Variants in PARP16 observed in about 807,000 individuals in gnomAD.
PARP16 encodes poly(ADP-ribose) polymerase family member 16.
Under a neutral mutation model 35.0 loss-of-function variants are expected in PARP16, and 31 were observed. The ratio of observed to expected loss-of-function variants is 0.88; its 90% CI spans 0.66 to 1.19. The LOEUF (loss-of-function observed/expected upper bound fraction) is 1.19, where lower values mean the gene tolerates loss of function less well. PARP16 is among the 50% of genes most tolerant of loss of function. The pLI, the probability that PARP16 is intolerant of heterozygous loss-of-function variation, is 0.00. For synonymous variants in PARP16, 162 were observed against 169.5 expected (o/e 0.96, Z 0.34); for missense variants, 424 against 411.2 (o/e 1.03, Z -0.27).
intron 1 of PARP16, among the ~76,000 whole-genome samples, chr15:65,284,608 G>A (rs925170654): frequency 6.6e-6 from 1 of 151,614 alleles, no homozygotes. Flanking sequence ...TTACAGGTGT[G>A]AGCCACCGCA....
chr15:65,241,586 T>C (rs916417132), intron 3 of PARP16, among the ~76,000 whole-genome samples: 4 of 152,248 alleles, frequency 2.6e-5, no homozygotes, highest in African/African-American at 9.6e-5. Flanking sequence ...TGTTTTAGTT[T>C]ACATTTCTTA....
In PARP16 at chr15:65,259,551, G is replaced by C; in HGVS notation, c.834-9C>G. 3 of 1,612,646 alleles carry C rather than the reference G, an allele frequency of 1.9e-6. No homozygotes were observed. The highest frequency in any genetic ancestry group is 2.5e-6 in the Non-Finnish European group (3 of 1,179,476). The stretch of plus-strand genomic sequence containing the variant: ...AGAGCTGGCTCGAAGCCCTGCTTAA[G>C]AGGGAAAAAAGAGTGGTGTTGGCAA... On this transcript the variant is annotated splice_polypyrimidine_tract_variant and intron_variant, in intron 5 of 5. Transcript: ENST00000649807.
At chr15:65,285,286 C>T (rs1041509468) in intron 1 of PARP16, among the ~76,000 whole-genome samples, 2 of 151,928 alleles carry the variant, frequency 1.3e-5, no homozygotes, top group Non-Finnish European at 2.9e-5. Flanking sequence ...TACAGGCATG[C>T]GCCACCACGC....
chr15:65,259,198 A>C lies in PARP16; in HGVS notation c.*209T>G, dbSNP rs1166802347. The C allele has an allele frequency of 9.9e-6, 6 of 604,268 alleles. No homozygotes were observed. The East Asian group carries it at 1.6e-4, about 16-fold the overall frequency. 37.4% of individuals were successfully genotyped at this position (604,268 alleles called of 1,614,324 possible). A position where few individuals can be genotyped will look rare whatever the true frequency, so the allele number is the denominator to read the frequency against. On this transcript the variant is annotated 3_prime_UTR_variant, in exon 6 of 6. Transcript: ENST00000649807. The stretch of plus-strand genomic sequence containing the variant: ...GATGGAAGGACTCCCCTAAAACCTA[A>C]GAGTGAGGGACTAGTAGTCCCCGTT...
Position 65,286,333 on chromosome 15 carries a change from G to T in PARP16, c.94C>A (p.Gln32Lys). Residue 32 changes from glutamine to lysine, a missense_variant, in exon 1 of 6, where the codon CAG (glutamine) becomes AAG (lysine). Transcript: ENST00000649807. Reference sequence around the variant, plus strand: ...AGCACCGAGTCGCGCTTGTAGCTCTGCAGGGCCGAGGCGAAGAGGCTGCAC... The same window carrying T: ...AGCACCGAGTCGCGCTTGTAGCTCTTCAGGGCCGAGGCGAAGAGGCTGCAC... ...LRCSLFASAL[Q>K]SYKRDSVLRP... 1 of 1,604,024 alleles carries T rather than the reference G, an allele frequency of 6.2e-7. No homozygotes were observed. The highest frequency in any genetic ancestry group is 8.5e-7 in the Non-Finnish European group (1 of 1,176,534).
At chr15:65,233,677 A>G (rs1439951731), downstream of PARP16, among the ~76,000 whole-genome samples, 1 of 151,944 alleles carries the variant, frequency 6.6e-6, no homozygotes, top group Non-Finnish European at 1.5e-5. Context: ...TGGAGGTTGC[A>G]GTGAGCCGGG....
chr15:65,257,011 GGCTGGACATA>G (rs1051634127), downstream of PARP16, among the ~76,000 whole-genome samples: 56 of 152,360 alleles, frequency 3.7e-4, no homozygotes, highest in African/African-American at 1.3e-3. Context: ...CTCTGGCACT[GGCTGGACATA>G]GCGGCTCATG....
intron 1 of PARP16, among the ~76,000 whole-genome samples, chr15:65,281,750 C>A (rs535567908): frequency 4.6e-5 from 7 of 151,618 alleles, no homozygotes; most frequent in Non-Finnish European, 7.4e-5. Context: ...AAACAAGACA[C>A]CTCAGGGATA....
intron 3 of PARP16, among the ~76,000 whole-genome samples, chr15:65,246,507 C>A (rs2089213041): frequency 1.3e-5 from 2 of 152,192 alleles, no homozygotes; most frequent in Non-Finnish European, 2.9e-5. Flanking sequence ...CTGGATGTGC[C>A]CATACTGGGG....
intron 3 of PARP16, 86 bp downstream of exon 3, chr15:65,266,476 C>T: frequency 1.7e-6 from 2 of 1,168,780 alleles, no homozygotes; most frequent in Non-Finnish European, 2.6e-6. Context: ...CACCTGCAAA[C>T]TCCTAGGGTT....
chr15:65,274,068 G>A (rs1184043075), intron 1 of PARP16, among the ~76,000 whole-genome samples: 1 of 149,048 alleles, frequency 6.7e-6, no homozygotes, highest in Non-Finnish European at 1.5e-5. Flanking sequence ...TGATTCTCCT[G>A]CATAGCTGGG....
intron 3 of PARP16, among the ~76,000 whole-genome samples, chr15:65,240,712 T>C (rs1197328894): frequency 6.6e-6 from 1 of 152,206 alleles, no homozygotes; most frequent in Non-Finnish European, 1.5e-5. Context: ...GCTGTAACCA[T>C]TCATGTATAG....
chr15:65,232,753 CAAAT>C (rs961701345), downstream of PARP16, among the ~76,000 whole-genome samples: 19 of 151,904 alleles, frequency 1.3e-4, no homozygotes, highest in African/African-American at 2.9e-4. Flanking sequence ...AAAGAAAAAA[CAAAT>C]AAATAAATAA....
chr15:65,235,717 G>A (rs1215572203), intron 3 of PARP16, among the ~76,000 whole-genome samples: 1 of 151,596 alleles, frequency 6.6e-6, no homozygotes, highest in African/African-American at 2.4e-5. Flanking sequence ...GCTGAGGTGG[G>A]AGGATCGCCT....
chr15:65,256,128 T>C (rs886684964), downstream of PARP16, among the ~76,000 whole-genome samples: 3 of 152,200 alleles, frequency 2.0e-5, no homozygotes, highest in Admixed American at 1.3e-4. Flanking sequence ...CCATGACACT[T>C]GGCTATCTCA....
downstream of PARP16, among the ~76,000 whole-genome samples, chr15:65,234,103 CGGGAAAATGCACATACACACAGATA>C (rs2088820384): frequency 6.6e-6 from 1 of 152,168 alleles, no homozygotes; most frequent in Admixed American, 6.5e-5. Context: ...AACTTCTCCT[CGGGAAAATGCACATACACACAGATA>C]AAATGTATGT....
chr15:65,260,726 C>T (rs1006833214), intron 5 of PARP16, among the ~76,000 whole-genome samples, 159 bp downstream of exon 5: 1 of 152,212 alleles, frequency 6.6e-6, no homozygotes, highest in Non-Finnish European at 1.5e-5. Flanking sequence ...CACATCTTCT[C>T]CAGATCCTAT....
intron 2 of PARP16, chr15:65,248,284 AAAT>A: frequency 2.2e-6 from 1 of 456,458 alleles, no homozygotes; most frequent in Non-Finnish European, 4.4e-6. Context: ...GTAAATTAGT[AAAT>A]CATAAATCAA....
chr15:65,278,725 T>C (rs569057932), intron 1 of PARP16, among the ~76,000 whole-genome samples: 1 of 152,246 alleles, frequency 6.6e-6, no homozygotes, highest in Non-Finnish European at 1.5e-5. Flanking sequence ...CAGGTTTAGA[T>C]CTTAGACAAT....
Sources: gnomAD v4.1 joint callset for allele counts (sites outside exome capture counted in the v4.1 genomes callset) on GRCh38, gnomAD v4.1.1 for gene constraint, MANE v1.5 for transcripts, NCBI Gene and HGNC (gene_info 2026-07-23, HGNC 2026-07-21) for gene names.